The following PLXNA1 variants were observed in gnomAD, a reference collection of about 807,000 sequenced individuals.
The protein encoded by PLXNA1 is plexin-A1.
A neutral mutation model predicts 191.7 loss-of-function variants in PLXNA1; 77 were observed. The ratio of observed to expected loss-of-function variants is 0.40; its 90% confidence interval spans 0.33 to 0.49. The LOEUF is 0.49. Among genes scored for constraint, PLXNA1 ranks in the 20% least tolerant of loss-of-function variants. PLXNA1 has a pLI of 0.63. For synonymous variants in PLXNA1, 1,137 were observed against 1,156.4 expected, an observed-to-expected ratio of 0.98 and a Z score of 0.34; for missense variants, 2,110 against 2,660.2, an observed-to-expected ratio of 0.79 and a Z score of 4.55.
intron 21 of PLXNA1, among the ~76,000 whole-genome samples, 195 bp from the exon 22 acceptor site, chr3:127,021,890 A>G (rs1012486294): frequency 2.0e-5 from 3 of 152,108 alleles, no homozygotes; most frequent in African/African-American, 7.2e-5. Context: ...GGTCGTGTCC[A>G]TTTTGCTAAG....
chr3:127,018,612 GC>G (rs2079137803), intron 20 of PLXNA1, 84 bp downstream of exon 20: 1 of 1,018,386 alleles, frequency 9.8e-7, no homozygotes, highest in Non-Finnish European at 1.5e-6. Flanking sequence ...TCCCACCGCC[GC>G]CCCCACCCTG....
chr3:127,014,432 C>G (rs959983698), intron 12 of PLXNA1, 46 bp from the exon 13 acceptor site: 9 of 1,584,018 alleles, frequency 5.7e-6, no homozygotes, highest in East Asian at 2.3e-5. Flanking sequence ...CACCGCACAC[C>G]CTACGCCCTG....
intron 3 of PLXNA1, among the ~76,000 whole-genome samples, chr3:126,994,673 G>C (rs1408722210): frequency 2.0e-5 from 3 of 152,132 alleles, no homozygotes; most frequent in Admixed American, 2.0e-4. Flanking sequence ...CCTGGCCCGG[G>C]GGCAGCAGAA....
At chr3:127,012,451 C>T (rs1319884305) in intron 10 of PLXNA1, among the ~76,000 whole-genome samples, 2 of 152,250 alleles carry the variant, frequency 1.3e-5, no homozygotes, top group African/African-American at 2.4e-5. Flanking sequence ...AGCAGCCAGC[C>T]TCATGGGACT....
chr3:127,023,303 C>A (rs1385958568), intron 23 of PLXNA1, among the ~76,000 whole-genome samples: 1 of 152,204 alleles, frequency 6.6e-6, no homozygotes, highest in Non-Finnish European at 1.5e-5. Context: ...AGACTGCAGG[C>A]CAGGGCCCAG....
Position 127,012,289 on chromosome 3 carries a change from G to A in PLXNA1, c.2313+131G>A, listed in dbSNP as rs558196501. 1.6e-5 allele frequency: 15 copies of A among 961,124 alleles called. No homozygotes were observed. In the South Asian group the frequency reaches 2.5e-4, roughly 16 times the overall value. The allele number at this position is 961,124 out of a possible 1,614,324, so 59.5% of individuals were successfully genotyped here. A position where few individuals can be genotyped will look rare whatever the true frequency, so the allele number is the denominator to read the frequency against. ...GCTCACGTGTATCTCTGATGAGTCA[G>A]AAGCCACTCCTGGCTTCCCCAGGCC... On this transcript the variant is annotated intron_variant, in intron 10 of 31. Transcript: ENST00000393409.
intron 10 of PLXNA1, among the ~76,000 whole-genome samples, chr3:127,013,459 G>A (rs2079105707): frequency 6.6e-6 from 1 of 152,244 alleles, no homozygotes; most frequent in South Asian, 2.1e-4. Flanking sequence ...GTGGCAGAAA[G>A]TGGGGCACAG....
rs757792467 is a variant in PLXNA1, at chr3:127,018,290, G to A, written c.3661-4G>A. The stretch of plus-strand genomic sequence containing the variant: ...GCTCCTGAGTGGCCTCCACCCACTG[G>A]CAGGTGCGGGCAGGTGGCTTCGAGT... On this transcript the variant is annotated splice_region_variant and splice_polypyrimidine_tract_variant and intron_variant, in intron 19 of 31. Transcript: ENST00000393409. The A allele has an allele frequency of 1.3e-6, 2 of 1,590,474 alleles. No homozygotes were observed. Among genetic ancestry groups the A allele is most frequent in the Non-Finnish European group, 1.7e-6 (2 of 1,167,740 alleles).
rs543396261 is a variant in PLXNA1, at chr3:127,009,147, CTG to C, written c.2112+1237_2112+1238del. Among the ~76,000 whole-genome samples, 5 of 152,244 alleles carry C rather than the reference CTG, an allele frequency of 3.3e-5. No homozygotes were observed. In the South Asian group the frequency reaches 6.2e-4, roughly 19 times the overall value. ...ATGTGCAGATGCAGTGGCTTTGGCG[CTG>C]TGCGCAGCCCAGGGTTCGAGCAGTG... On this transcript the variant is annotated intron_variant, in intron 9 of 31. Coordinates refer to ENST00000393409, the MANE Select transcript of PLXNA1 (RefSeq NM_032242.4).
intron 22 of PLXNA1, 53 bp downstream of exon 22, chr3:127,022,394 T>C (rs2079156376): frequency 6.3e-7 from 1 of 1,581,060 alleles, no homozygotes. Context: ...CCTCCAGCTT[T>C]GGACAGGTTG....
rs560942473 is a variant in PLXNA1, at chr3:126,998,668, A to T, written c.1378-4662A>T. Among the ~76,000 whole-genome samples the T allele has an allele frequency of 3.3e-5, 5 of 152,342 alleles. No individual in the cohort carries two copies. In the South Asian group the frequency reaches 1.0e-3, roughly 32 times the overall value. ...ACCATGAACTCCTGAATTCTCACAC[A>T]GCTCTGTGAGGTGGATGTTGGCAGA... is the stretch of plus-strand genomic sequence containing the variant. On this transcript the variant is annotated intron_variant, in intron 3 of 31. Coordinates refer to ENST00000393409, the MANE Select transcript of PLXNA1 (RefSeq NM_032242.4).
chr3:126,997,895 T>G (rs1225351551), intron 3 of PLXNA1, among the ~76,000 whole-genome samples: 1 of 152,246 alleles, frequency 6.6e-6, no homozygotes, highest in East Asian at 1.9e-4. Context: ...GGCTTCCCCA[T>G]GCCGTCCTGT....
chr3:126,997,078 C>G (rs1160407866), intron 3 of PLXNA1, among the ~76,000 whole-genome samples: 1 of 152,202 alleles, frequency 6.6e-6, no homozygotes, highest in Non-Finnish European at 1.5e-5. Flanking sequence ...GAGTCATCAT[C>G]TTTTGCTTGG....
intron 3 of PLXNA1, among the ~76,000 whole-genome samples, chr3:127,001,287 G>A (rs942769374): frequency 1.3e-5 from 2 of 152,174 alleles, no homozygotes; most frequent in Non-Finnish European, 2.9e-5. Context: ...TGGATGCCTT[G>A]CAGGCCGGGC....
At chr3:126,986,141 C>G (rs769633083) in intron 1 of PLXNA1, among the ~76,000 whole-genome samples, 1 of 152,234 alleles carries the variant, frequency 6.6e-6, no homozygotes, top group Non-Finnish European at 1.5e-5. Flanking sequence ...GAGAGCCCAG[C>G]CCCTGGTAAT....
chr3:127,017,067 G>T (rs893855928), intron 17 of PLXNA1, 30 bp downstream of exon 17: 1 of 1,581,272 alleles, frequency 6.3e-7, no homozygotes, highest in Non-Finnish European at 8.7e-7. Flanking sequence ...TGCCCACCTC[G>T]GTCCAGGCCT....
At chr3:126,998,549 C>T (rs1576672942) in intron 3 of PLXNA1, among the ~76,000 whole-genome samples, 1 of 152,304 alleles carries the variant, frequency 6.6e-6, no homozygotes, top group South Asian at 2.1e-4. Context: ...TTCACGGTGG[C>T]CCCACCAGGT....
In PLXNA1 at chr3:127,034,318, A is replaced by C; in HGVS notation, c.*301A>C. 9.6e-6 allele frequency: 3 copies of C among 310,894 alleles called. No individual in the cohort carries two copies. Among genetic ancestry groups the C allele is most frequent in the Non-Finnish European group, 1.8e-5 (3 of 167,162 alleles). 19.3% of individuals were successfully genotyped at this position (310,894 alleles called of 1,614,324 possible). On this transcript the variant is annotated 3_prime_UTR_variant, in exon 32 of 32. Transcript: ENST00000393409. The stretch of plus-strand genomic sequence containing the variant: ...TGGCAAGAGCTGCCCAGTGGCCTTC[A>C]TGGGAGAAGGGCTGACCTCTGAGGG...
intron 2 of PLXNA1, 126 bp downstream of exon 2, chr3:126,989,913 C>G (rs1034849640): frequency 1.2e-6 from 1 of 824,558 alleles, no homozygotes; most frequent in Non-Finnish European, 1.9e-6. Context: ...TTGGCCATCC[C>G]CATGGCTCAG....
Sources: gnomAD v4.1 joint callset for allele counts (sites outside exome capture counted in the v4.1 genomes callset) on GRCh38, gnomAD v4.1.1 for gene constraint, MANE v1.5 for transcripts, NCBI Gene and HGNC (gene_info 2026-07-23, HGNC 2026-07-21) for gene names.